FMN2: variants seen among roughly 807,000 people sequenced by gnomAD.
FMN2 encodes formin-2.
A neutral mutation model predicts 142.3 loss-of-function variants in FMN2; 51 were observed. The observed-to-expected ratio is 0.36, with a 90% CI of 0.29 to 0.45. FMN2 has a LOEUF of 0.45. Among genes scored for constraint, FMN2 ranks in the 20% least tolerant of loss-of-function variants. The probability of loss-of-function intolerance (pLI) is 1.00; values close to 1 mark genes in which losing one functional copy is unlikely to be tolerated. For synonymous variants in FMN2, 882 were observed against 869.8 expected (o/e 1.01, Z -0.25); for missense variants, 1,936 against 2,122.8 (o/e 0.91, Z 1.73).
At chr1:240,373,013 C>T (rs1488371817) in intron 14 of FMN2, among the ~76,000 whole-genome samples, 1 of 152,132 alleles carries the variant, frequency 6.6e-6, no homozygotes, top group Non-Finnish European at 1.5e-5. Context: ...GGTGAAACCT[C>T]ACCTCTACTA....
intron 13 of FMN2, among the ~76,000 whole-genome samples, chr1:240,342,103 C>T (rs2103029925): frequency 6.6e-6 from 1 of 152,286 alleles, no homozygotes; most frequent in South Asian, 2.1e-4. Context: ...ATGACTTCTA[C>T]TTCCGCCCTG....
intron 14 of FMN2, among the ~76,000 whole-genome samples, chr1:240,375,486 A>G (rs1223911235): frequency 6.6e-6 from 1 of 152,248 alleles, no homozygotes; most frequent in Non-Finnish European, 1.5e-5. Flanking sequence ...TAGAAGGCAT[A>G]CCTAATGGAT....
intron 1 of FMN2, among the ~76,000 whole-genome samples, chr1:240,099,472 A>T (rs1475329408): frequency 6.6e-6 from 1 of 152,014 alleles, no homozygotes; most frequent in East Asian, 1.9e-4. Flanking sequence ...GCTGCTTTCC[A>T]AAGAAGGGGT....
At chr1:240,450,943 A>G (rs913278307) in intron 16 of FMN2, among the ~76,000 whole-genome samples, 1 of 152,222 alleles carries the variant, frequency 6.6e-6, no homozygotes, top group Non-Finnish European at 1.5e-5. Context: ...CAAAGATGAA[A>G]TGAAGGTTAA....
chr1:240,134,278 AG>A (rs371458490), intron 2 of FMN2, among the ~76,000 whole-genome samples: 21 of 152,306 alleles, frequency 1.4e-4, no homozygotes, highest in African/African-American at 5.1e-4. Flanking sequence ...GAATCTATTC[AG>A]TGAATTGTCT....
chr1:240,447,589 T>C lies in FMN2; in HGVS notation c.5060+9379T>C, dbSNP rs540431773. ...GTACGGAACTCTCATACTTTGCTGG[T>C]GGAAATACAAAATGGCTTTTGCCAT... On this transcript the variant is annotated intron_variant, in intron 16 of 17. Coordinates refer to ENST00000319653, the MANE Select transcript of FMN2 (RefSeq NM_020066.5). Among the ~76,000 whole-genome samples the C allele has an allele frequency of 5.9e-5, 9 of 152,290 alleles. No homozygotes were observed. In the East Asian group the frequency reaches 1.4e-3, roughly 23 times the overall value.
intron 2 of FMN2, among the ~76,000 whole-genome samples, chr1:240,138,813 C>T (rs1288837162): frequency 1.3e-5 from 2 of 152,174 alleles, no homozygotes; most frequent in Non-Finnish European, 2.9e-5. Flanking sequence ...GGAGCTTTTC[C>T]TTTAACAAAT....
intron 2 of FMN2, among the ~76,000 whole-genome samples, chr1:240,160,850 A>G (rs555309350): frequency 2.0e-5 from 3 of 152,312 alleles, no homozygotes; most frequent in Admixed American, 1.3e-4. Context: ...AAATACATTT[A>G]CAGATAAATA....
At chr1:240,431,811 C>T (rs1675188266) in intron 15 of FMN2, among the ~76,000 whole-genome samples, 1 of 151,158 alleles carries the variant, frequency 6.6e-6, no homozygotes, top group South Asian at 2.1e-4. Context: ...TGGGGGTAAA[C>T]CCTAATTTGT....
chr1:240,141,477 CCTA>C (rs1301085244), intron 2 of FMN2, among the ~76,000 whole-genome samples: 1 of 152,098 alleles, frequency 6.6e-6, no homozygotes, highest in Non-Finnish European at 1.5e-5. Flanking sequence ...TAGTGATTCT[CCTA>C]CCTCAGCCTC....
intron 8 of FMN2, among the ~76,000 whole-genome samples, chr1:240,315,026 T>C (rs1670727584): frequency 6.6e-6 from 1 of 152,236 alleles, no homozygotes; most frequent in Non-Finnish European, 1.5e-5. Flanking sequence ...TTTTCCTTGA[T>C]GGCAGGCAAG....
intron 16 of FMN2, among the ~76,000 whole-genome samples, chr1:240,452,194 AAAAT>A (rs1164428812): frequency 6.6e-6 from 1 of 152,154 alleles, no homozygotes; most frequent in Non-Finnish European, 1.5e-5. Flanking sequence ...CTGTCTCAAA[AAAAT>A]AAATAAATAA....
intron 11 of FMN2, among the ~76,000 whole-genome samples, chr1:240,331,268 TG>T (rs1464420109): frequency 2.0e-5 from 3 of 152,104 alleles, no homozygotes; most frequent in Non-Finnish European, 4.4e-5. Context: ...GATACTGGTG[TG>T]TAGGGGGATG....
intron 6 of FMN2, among the ~76,000 whole-genome samples, chr1:240,234,501 C>G (rs1372223777): frequency 6.6e-6 from 1 of 152,088 alleles, no homozygotes; most frequent in Non-Finnish European, 1.5e-5. Flanking sequence ...TCTCTTTAGC[C>G]CAAATCCAGT....
At chr1:240,316,655 G>A (rs1558429058) in intron 8 of FMN2, among the ~76,000 whole-genome samples, 2 of 152,080 alleles carry the variant, frequency 1.3e-5, no homozygotes, top group South Asian at 4.1e-4. Flanking sequence ...ACCATAGCTG[G>A]GATTGGATGT....
At position 240,112,896 on chromosome 1, in the gene FMN2, C is replaced by T. The variant is rs139952605; in HGVS notation, c.1616-10283C>T. Among the ~76,000 whole-genome samples the T allele has an allele frequency of 3.3e-3, 500 of 152,252 alleles. 2 individuals carry two copies. The highest frequency in any genetic ancestry group is 0.012 in the African/African-American group (480 of 41,540). On this transcript the variant is annotated intron_variant, in intron 1 of 17. Transcript: ENST00000319653. Reference sequence around the variant, plus strand: ...GCTCCTGCTGTGAAATGGCTGCTGCCCACAGGCAGTGTTTTGTGAGCTGTT... The same window carrying T: ...GCTCCTGCTGTGAAATGGCTGCTGCTCACAGGCAGTGTTTTGTGAGCTGTT...
At chr1:240,267,468 AC>A (rs1321631571) in intron 7 of FMN2, among the ~76,000 whole-genome samples, 1 of 151,964 alleles carries the variant, frequency 6.6e-6, no homozygotes, top group African/African-American at 2.4e-5. Context: ...AGAACAAAAC[AC>A]ACTGGGGTCT....
intron 7 of FMN2, among the ~76,000 whole-genome samples, chr1:240,292,243 TGAG>T (rs1441909046): frequency 2.0e-5 from 3 of 152,184 alleles, no homozygotes; most frequent in Non-Finnish European, 2.9e-5. Context: ...AAGAAATTTC[TGAG>T]GAGTTTTTTC....
intron 6 of FMN2, chr1:240,245,431 T>C: frequency 2.2e-6 from 1 of 450,552 alleles, no homozygotes; most frequent in Non-Finnish European, 4.6e-6. Flanking sequence ...GAAGCATCAG[T>C]GGAACTTGAT....
Sources: allele counts gnomAD v4.1 joint callset (sites outside exome capture counted in the v4.1 genomes callset), GRCh38; gene constraint gnomAD v4.1.1; transcripts MANE v1.5; gene names NCBI Gene and HGNC (gene_info 2026-07-23, HGNC 2026-07-21).